Variants in ZNF701 observed in about 807,000 individuals in gnomAD.
ZNF701 encodes the protein zinc finger protein 701.
In ZNF701, 6 loss-of-function variants were observed where a neutral mutation model predicts 7.1. That is an observed-to-expected ratio of 0.84 (90% CI 0.46 to 1.66). ZNF701 has a LOEUF of 1.66. Among genes scored for constraint, ZNF701 ranks in the 40% most tolerant of loss-of-function variants. ZNF701 has a pLI of 0.01. For missense variants in ZNF701, 541 were observed against 559.2 expected (o/e 0.97, Z 0.33); for synonymous variants, 166 against 188.2 (o/e 0.88, Z 0.97).
At chr19:52,571,102 T>TG (rs986494458) in intron 1 of ZNF701, among the ~76,000 whole-genome samples, 1 of 91,792 alleles carries the variant, frequency 1.1e-5, no homozygotes, top group African/African-American at 4.3e-5. Flanking sequence ...ACAGCAAAAG[T>TG]GAAAAAAAAA....
chr19:52,576,815 C>A (rs1248221822), intron 3 of ZNF701, among the ~76,000 whole-genome samples: 2 of 152,138 alleles, frequency 1.3e-5, no homozygotes, highest in African/African-American at 2.4e-5. Flanking sequence ...TTTTTATAAG[C>A]AGGAGTCTCA....
the ZNF701 span, chr19:52,592,285 C>T: frequency 1.3e-6 from 2 of 1,483,352 alleles, no homozygotes; most frequent in South Asian, 1.2e-5. Context: ...CTTGGCTCTT[C>T]CTGGTTTTGT....
At chr19:52,595,055 C>T in the ZNF701 span, among the ~76,000 whole-genome samples, 3 of 152,078 alleles carry the variant, frequency 2.0e-5, no homozygotes, top group Non-Finnish European at 4.4e-5. Context: ...GATCTCCACT[C>T]ACTGCAACCT....
At chr19:52,599,957 GAACTATGTGTGACTGTTC>G in the ZNF701 span, among the ~76,000 whole-genome samples, 1 of 152,072 alleles carries the variant, frequency 6.6e-6, no homozygotes, top group Non-Finnish European at 1.5e-5. Flanking sequence ...GAGTCAGGAT[GAACTATGTGTGACTGTTC>G]AACTATGTGT....
chr19:52,591,983 G>A (rs755270073), downstream of ZNF701: 120 of 524,336 alleles, frequency 2.3e-4, no homozygotes, highest in Non-Finnish European at 2.7e-5. Flanking sequence ...ACCTTAATGC[G>A]GCTTTGTCAG....
In ZNF701 at chr19:52,583,150, G is replaced by A. The variant is rs907240025; in HGVS notation, c.1091G>A (p.Arg364Lys). 11 of 1,613,536 alleles carry A rather than the reference G, an allele frequency of 6.8e-6. No individual in the cohort carries two copies. Among genetic ancestry groups the A allele is most frequent in the Admixed American group, 1.7e-5 (1 of 59,956 alleles). The change falls in exon 4 of 4, where the codon AGA (arginine) becomes AAA (lysine). Residue 364 changes from arginine to lysine, a missense_variant. Coordinates refer to ENST00000391785, the MANE Select transcript of ZNF701 (RefSeq NM_018260.3). ...YKCKVCDKAF[R>K]RDSHLAQHTV... ...TGTAAGGTTTGTGACAAGGCTTTCA[G>A]ACGTGATTCACACCTGGCACAACAT...
chr19:52,597,000 CTT>C, the ZNF701 span: 1 of 1,098,658 alleles, frequency 9.1e-7, no homozygotes, highest in Non-Finnish European at 1.3e-6. Flanking sequence ...TGTAGGGAAA[CTT>C]TGCAAATGTA....
chr19:52,593,228 C>G, the ZNF701 span, among the ~76,000 whole-genome samples: 1 of 118,672 alleles, frequency 8.4e-6, no homozygotes, highest in Non-Finnish European at 1.8e-5. Flanking sequence ...TTTTCCCCAC[C>G]TTTCCCCCCT....
the ZNF701 span, among the ~76,000 whole-genome samples, chr19:52,594,459 G>A: frequency 5.1e-4 from 78 of 152,188 alleles, 2 homozygotes; most frequent in South Asian, 0.016. Context: ...CCATCCAGGT[G>A]TTGGGATTAT....
At chr19:52,573,532 C>T (rs985657837) in intron 1 of ZNF701, among the ~76,000 whole-genome samples, 2 of 152,010 alleles carry the variant, frequency 1.3e-5, no homozygotes, top group East Asian at 3.9e-4. Context: ...CCACCGCACC[C>T]AGCCCCAATT....
In ZNF701 at chr19:52,583,550, T is replaced by A; in HGVS notation, c.*93T>A. 1.9e-6 allele frequency: 3 copies of A among 1,586,678 alleles called. No individual in the cohort carries two copies. The highest frequency in any genetic ancestry group is 2.6e-6 in the Non-Finnish European group (3 of 1,156,844). ...AGAGAAACCTTACAAATGTGAAGAA[T>A]GTGACAAAAGTTTTCAATTTCAAAT... On this transcript the variant is annotated 3_prime_UTR_variant, in exon 4 of 4. Transcript: ENST00000391785.
chr19:52,598,528 T>C, the ZNF701 span: 2 of 151,944 alleles, frequency 1.3e-5, no homozygotes, highest in African/African-American at 2.4e-5. Flanking sequence ...AGGTCCTGGG[T>C]TGTTTGAGTG....
chr19:52,576,158 T>C lies in ZNF701; in HGVS notation c.142+137T>C, dbSNP rs912801922. On this transcript the variant is annotated intron_variant, in intron 3 of 3. Transcript: ENST00000391785. ...GAGTTAGAAATGAAAAGCTTCATGA[T>C]GTAGCATCTGGACTTTCACTGTCCC... The C allele has an allele frequency of 3.9e-6, 6 of 1,544,598 alleles. No homozygotes were observed. The South Asian group carries it at 7.4e-5, about 19-fold the overall frequency.
At position 52,586,642 on chromosome 19, in the gene ZNF701, C is replaced by A. The variant is rs888298417; in HGVS notation, c.*3185C>A. ...GAAAATCAGCGACTCTTCCTTCTTACAAAACTCGGAGCTTCTCAGGATAAC... is the reference window on the plus strand; with the variant it reads ...GAAAATCAGCGACTCTTCCTTCTTAAAAAACTCGGAGCTTCTCAGGATAAC... On this transcript the variant is annotated 3_prime_UTR_variant, in exon 4 of 4. Transcript: ENST00000391785. The A allele has an allele frequency of 2.6e-5, 4 of 152,262 alleles. No individual in the cohort carries two copies. In the South Asian group the frequency reaches 6.2e-4, roughly 24 times the overall value. 9.4% of individuals were successfully genotyped at this position (152,262 alleles called of 1,614,324 possible).
chr19:52,583,609 G>A lies in ZNF701; in HGVS notation c.*152G>A. Reference sequence around the variant, plus strand: ...GAAATACATAGGAGAGTTCATACTGGAGAGAAACCATACAAATGTAAGGTT... The same window carrying A: ...GAAATACATAGGAGAGTTCATACTGAAGAGAAACCATACAAATGTAAGGTT... On this transcript the variant is annotated 3_prime_UTR_variant, in exon 4 of 4. Coordinates refer to ENST00000391785, the MANE Select transcript of ZNF701 (RefSeq NM_018260.3). 3 of 1,346,650 alleles carry A rather than the reference G, an allele frequency of 2.2e-6. No homozygotes were observed. The highest frequency in any genetic ancestry group is 1.2e-5 in the South Asian group (1 of 85,282). The allele number at this position is 1,346,650 out of a possible 1,614,324, so 83.4% of individuals were successfully genotyped here.
rs3810120 is a variant in ZNF701, at chr19:52,585,016, G to T, written c.*1559G>T. On this transcript the variant is annotated 3_prime_UTR_variant, in exon 4 of 4. Transcript: ENST00000391785. The stretch of plus-strand genomic sequence containing the variant: ...TGGTACTGCTATACCGGGGACGTGG[G>T]TGTCTCCACAGACCTGGAAATTCCG... The T allele has an allele frequency of 0.33, 49,815 of 151,948 alleles. 9,828 individuals carry two copies. Among genetic ancestry groups the T allele is most frequent in the Non-Finnish European group, 0.44 (30,179 of 67,894 alleles). The allele number at this position is 151,948 out of a possible 1,614,324, so 9.4% of individuals were successfully genotyped here.
downstream of ZNF701, among the ~76,000 whole-genome samples, chr19:52,587,353 C>T (rs1243121590): frequency 2.6e-5 from 4 of 152,128 alleles, no homozygotes; most frequent in African/African-American, 9.7e-5. Context: ...CTCCTCACTC[C>T]CTCTGCTCCA....
chr19:52,598,310 G>A, the ZNF701 span, among the ~76,000 whole-genome samples: 1 of 152,150 alleles, frequency 6.6e-6, no homozygotes, highest in South Asian at 2.1e-4. Flanking sequence ...TGTACTGAAC[G>A]CTGAATCGTT....
chr19:52,586,628 A>G lies in ZNF701; in HGVS notation c.*3171A>G, dbSNP rs543947550. The G allele has an allele frequency of 5.8e-4, 88 of 151,864 alleles. 1 individual carries two copies. The highest frequency in any genetic ancestry group is 2.0e-3 in the African/African-American group (81 of 41,372). The allele number at this position is 151,864 out of a possible 1,614,324, so 9.4% of individuals were successfully genotyped here. ...CCTGGCCATCACATGAAAATCAGCG[A>G]CTCTTCCTTCTTACAAAACTCGGAG... On this transcript the variant is annotated 3_prime_UTR_variant, in exon 4 of 4. Coordinates refer to ENST00000391785, the MANE Select transcript of ZNF701 (RefSeq NM_018260.3).
Sources: allele counts gnomAD v4.1 joint callset (sites outside exome capture counted in the v4.1 genomes callset), GRCh38; gene constraint gnomAD v4.1.1; transcripts MANE v1.5; gene names NCBI Gene and HGNC (gene_info 2026-07-23, HGNC 2026-07-21).